TAF1A: variants seen among roughly 807,000 people sequenced by gnomAD.
The protein encoded by TAF1A is TATA box-binding protein-associated factor RNA polymerase I subunit A.
In TAF1A, 42 loss-of-function variants were observed where a neutral mutation model predicts 61.6. The ratio of observed to expected loss-of-function variants is 0.68; its 90% CI spans 0.53 to 0.88. TAF1A has a LOEUF of 0.88. Ranked by LOEUF, TAF1A falls within the 40% of genes least tolerant of loss-of-function variation. The pLI is 0.00. For missense variants in TAF1A, 424 were observed against 518.7 expected (o/e 0.82, Z 1.77); for synonymous variants, 179 against 177.7 (o/e 1.01, Z -0.06).
downstream of TAF1A, among the ~76,000 whole-genome samples, chr1:222,556,413 C>T (rs1288464458): frequency 6.6e-6 from 1 of 152,204 alleles, no homozygotes; most frequent in Admixed American, 6.5e-5. Flanking sequence ...ACAGATACTA[C>T]ATGAGAGTGT....
In TAF1A at chr1:222,579,861, C is replaced by A; in HGVS notation, c.303G>T (p.Lys101Asn). ...KRQAAPEIIW[K>N]LGSEILFYHP... is the part of the protein sequence containing the mutation. Reference sequence around the variant, plus strand: ...GATAAAATAGAATTTCACTTCCGAGCTTCCAAATAATCTGTCAAAGCAGAA... The same window carrying A: ...GATAAAATAGAATTTCACTTCCGAGATTCCAAATAATCTGTCAAAGCAGAA... The change falls in exon 4 of 11, where the codon AAG becomes AAT. Residue 101 changes from lysine (K) to asparagine (N), a missense_variant. By Grantham distance (94) the Lys-to-Asn change is moderately conservative. Coordinates refer to ENST00000352967, the MANE Select transcript of TAF1A (RefSeq NM_005681.4). 2 of 1,604,186 alleles carry A rather than the reference C, an allele frequency of 1.2e-6. No individual in the cohort carries two copies. The highest frequency in any genetic ancestry group is 2.3e-5 in the South Asian group (2 of 87,934).
At chr1:222,585,903 A>T (rs1660996764) in intron 2 of TAF1A, among the ~76,000 whole-genome samples, 1 of 152,188 alleles carries the variant, frequency 6.6e-6, no homozygotes, top group Non-Finnish European at 1.5e-5. Context: ...ATATATAGTC[A>T]TTTAAAAATA....
At chr1:222,574,408 C>G (rs994906729) in intron 5 of TAF1A, among the ~76,000 whole-genome samples, 2 of 152,056 alleles carry the variant, frequency 1.3e-5, no homozygotes, top group Non-Finnish European at 1.5e-5. Flanking sequence ...CGGTAAAGTA[C>G]AAATTGGTAA....
rs945521397 is a variant in TAF1A, at chr1:222,580,152, T to G, written c.292-280A>C. ...AGAAAGTAGACAGTTAAGATACATA[T>G]TTAATATAAAATGTTTAATTGGTAT... is the stretch of plus-strand genomic sequence containing the variant. On this transcript the variant is annotated intron_variant, in intron 3 of 10. Coordinates refer to ENST00000352967, the MANE Select transcript of TAF1A (RefSeq NM_005681.4). Among the ~76,000 whole-genome samples, 4 of 152,318 alleles carry G rather than the reference T, an allele frequency of 2.6e-5. 1 individual carries two copies. In the East Asian group the frequency reaches 7.7e-4, roughly 29 times the overall value.
chr1:222,560,357 T>C (rs1046090626), intron 10 of TAF1A, among the ~76,000 whole-genome samples: 1 of 152,190 alleles, frequency 6.6e-6, no homozygotes, highest in Non-Finnish European at 1.5e-5. Context: ...TGATGCGATG[T>C]TCACATGATA....
At chr1:222,585,405 G>A (rs1352629288) in intron 2 of TAF1A, among the ~76,000 whole-genome samples, 1 of 148,460 alleles carries the variant, frequency 6.7e-6, no homozygotes, top group East Asian at 2.0e-4. Flanking sequence ...ATACATAAAA[G>A]TCACCCACAA....
chr1:222,588,596 T>C (rs201976026), intron 1 of TAF1A, 31 bp from the exon 2 acceptor site: 2 of 1,606,996 alleles, frequency 1.2e-6, no homozygotes, highest in South Asian at 2.2e-5. Flanking sequence ...AGTTACTTTC[T>C]GTACATCTTA....
At chr1:222,555,966 C>G (rs1659720478), downstream of TAF1A, among the ~76,000 whole-genome samples, 1 of 152,096 alleles carries the variant, frequency 6.6e-6, no homozygotes, top group Non-Finnish European at 1.5e-5. Flanking sequence ...TCAGACTGTT[C>G]CAGCACAGTA....
At chr1:222,570,815 C>T (rs975075564) in intron 5 of TAF1A, 150 bp from the exon 6 acceptor site, 37 of 719,858 alleles carry the variant, frequency 5.1e-5, no homozygotes, top group Non-Finnish European at 7.6e-5. Context: ...AATACTAATT[C>T]TTCACAAATT....
chr1:222,584,096 C>A (rs763084453), intron 3 of TAF1A, 32 bp downstream of exon 3: 4 of 1,597,796 alleles, frequency 2.5e-6, no homozygotes, highest in Admixed American at 3.5e-5. Context: ...GGGAATCTAT[C>A]ATTTCTTCCA....
chr1:222,580,249 T>A (rs890345060), intron 3 of TAF1A, among the ~76,000 whole-genome samples: 5 of 152,200 alleles, frequency 3.3e-5, no homozygotes, highest in African/African-American at 9.6e-5. Flanking sequence ...CTCAGCCTCT[T>A]CTTCATCATC....
chr1:222,581,159 G>A (rs1660775294), intron 3 of TAF1A, among the ~76,000 whole-genome samples: 2 of 152,130 alleles, frequency 1.3e-5, no homozygotes, highest in South Asian at 4.1e-4. Flanking sequence ...GTGGAGTAAA[G>A]GAATTTATAC....
intron 5 of TAF1A, among the ~76,000 whole-genome samples, chr1:222,575,189 T>C (rs571165899): frequency 1.3e-5 from 2 of 151,922 alleles, no homozygotes; most frequent in African/African-American, 4.8e-5. Context: ...AATGAGGTGA[T>C]AGGAAAGTAG....
chr1:222,572,171 A>C (rs572706875), intron 5 of TAF1A, among the ~76,000 whole-genome samples: 2 of 150,622 alleles, frequency 1.3e-5, no homozygotes, highest in African/African-American at 4.9e-5. Flanking sequence ...GTGAGCTGAG[A>C]TCCTGCCACT....
intron 3 of TAF1A, among the ~76,000 whole-genome samples, 186 bp downstream of exon 3, chr1:222,583,942 C>T (rs1315495019): frequency 2.0e-5 from 3 of 151,910 alleles, no homozygotes; most frequent in Non-Finnish European, 2.9e-5. Flanking sequence ...CATTTTAGTC[C>T]CCTTTAAAAT....
chr1:222,557,984 A>C (rs550149140), downstream of TAF1A: 2 of 151,522 alleles, frequency 1.3e-5, no homozygotes, highest in South Asian at 4.2e-4. Context: ...CCCGGGTTCA[A>C]GCAATTCTCC....
At chr1:222,560,755 TTTC>T (rs1558139921) in intron 10 of TAF1A, among the ~76,000 whole-genome samples, 1 of 152,238 alleles carries the variant, frequency 6.6e-6, no homozygotes, top group Non-Finnish European at 1.5e-5. Flanking sequence ...TAAGATTTAT[TTTC>T]TTCATTTCTG....
At chr1:222,587,672 G>C (rs1661067445) in intron 2 of TAF1A, among the ~76,000 whole-genome samples, 1 of 152,032 alleles carries the variant, frequency 6.6e-6, no homozygotes, top group Non-Finnish European at 1.5e-5. Context: ...AAACATACTT[G>C]CATTTATATT....
chr1:222,561,578 A>G (rs1423279193), intron 9 of TAF1A, 60 bp from the exon 10 acceptor site: 1 of 1,469,140 alleles, frequency 6.8e-7, no homozygotes, highest in Non-Finnish European at 9.1e-7. Flanking sequence ...ATATTATCAG[A>G]ATTTAGACTT....
Sources: gnomAD v4.1 joint callset for allele counts (sites outside exome capture counted in the v4.1 genomes callset) on GRCh38, gnomAD v4.1.1 for gene constraint, MANE v1.5 for transcripts, NCBI Gene and HGNC (gene_info 2026-07-23, HGNC 2026-07-21) for gene names.